VPS13B: variants seen among roughly 807,000 people sequenced by gnomAD.
VPS13B encodes vacuolar protein sorting 13 homolog B.
VPS13B carries 285 observed loss-of-function variants against 426.4 expected under a neutral mutation model. That is an observed-to-expected ratio of 0.67 (90% CI 0.61 to 0.74). VPS13B has a LOEUF of 0.74. Among genes scored for constraint, VPS13B ranks in the 30% least tolerant of loss-of-function variants. VPS13B has a pLI of 0.00. For missense variants in VPS13B, 4,537 were observed against 4,782.6 expected (o/e 0.95, Z 1.51); for synonymous variants, 1,676 against 1,676.4 (o/e 1.00, Z 0.01).
At chr8:99,360,009 G>T (rs1295605881) in intron 19 of VPS13B, among the ~76,000 whole-genome samples, 2 of 151,510 alleles carry the variant, frequency 1.3e-5, no homozygotes, top group African/African-American at 2.4e-5. Flanking sequence ...CACCACATTG[G>T]CCAGGCTGGT....
intron 23 of VPS13B, among the ~76,000 whole-genome samples, chr8:99,466,299 AG>A (rs1258631778): frequency 2.0e-5 from 3 of 152,170 alleles, no homozygotes; most frequent in Non-Finnish European, 2.9e-5. Flanking sequence ...ATTTATCTGC[AG>A]TATGGCATCT....
intron 45 of VPS13B, 36 bp from the exon 46 acceptor site, chr8:99,818,415 A>C: frequency 6.4e-7 from 1 of 1,570,046 alleles, no homozygotes; most frequent in East Asian, 2.2e-5. Flanking sequence ...TAAACTGCTT[A>C]GTATTCAATA....
At chr8:99,760,142 A>AT (rs1019159590) in intron 39 of VPS13B, among the ~76,000 whole-genome samples, 21 of 151,486 alleles carry the variant, frequency 1.4e-4, no homozygotes, top group Non-Finnish European at 2.7e-4. Flanking sequence ...ACACCTGGCT[A>AT]TTTTTTTATT....
intron 17 of VPS13B, among the ~76,000 whole-genome samples, chr8:99,232,786 A>G (rs947395660): frequency 1.3e-5 from 2 of 152,138 alleles, no homozygotes; most frequent in African/African-American, 4.8e-5. Context: ...TGGATGGTGA[A>G]GTGGATTGCT....
intron 33 of VPS13B, among the ~76,000 whole-genome samples, chr8:99,616,801 A>C (rs148494072): frequency 7.9e-4 from 120 of 152,342 alleles, no homozygotes; most frequent in South Asian, 3.7e-3. Flanking sequence ...CCTGTCTGTA[A>C]ATAAATACAC....
intron 33 of VPS13B, among the ~76,000 whole-genome samples, chr8:99,609,840 A>G (rs1280345048): frequency 6.6e-6 from 1 of 152,246 alleles, no homozygotes; most frequent in African/African-American, 2.4e-5. Context: ...TTTTCATGCT[A>G]CTGCCTGGAT....
chr8:99,428,940 C>G (rs1816913116), intron 21 of VPS13B, among the ~76,000 whole-genome samples: 1 of 152,094 alleles, frequency 6.6e-6, no homozygotes. Flanking sequence ...CCATGGAATA[C>G]TATGCAGCCA....
chr8:99,085,086 C>A (rs1320370685), intron 3 of VPS13B, among the ~76,000 whole-genome samples: 1 of 152,094 alleles, frequency 6.6e-6, no homozygotes, highest in Non-Finnish European at 1.5e-5. Context: ...GTATGGGAGT[C>A]TAAGTCTCTT....
At chr8:99,424,306 C>A (rs1272245806) in intron 21 of VPS13B, 1 of 151,738 alleles carries the variant, frequency 6.6e-6, no homozygotes, top group Non-Finnish European at 1.5e-5. Flanking sequence ...ATGTATGTCT[C>A]TGCACGTGAG....
At chr8:99,550,307 T>TATAGAAGAAGTAATGTTATATTTGGTAGG in intron 30 of VPS13B, among the ~76,000 whole-genome samples, 1 of 152,082 alleles carries the variant, frequency 6.6e-6, no homozygotes, top group Non-Finnish European at 1.5e-5. Flanking sequence ...GAAAAAGAGT[T>TATAGAAGAAGTAATGTTATATTTGGTAGG]ATAGAAGAAG....
At chr8:99,140,203 A>G (rs897603106) in intron 12 of VPS13B, among the ~76,000 whole-genome samples, 5 of 151,816 alleles carry the variant, frequency 3.3e-5, no homozygotes, top group African/African-American at 1.2e-4. Flanking sequence ...CTTCTCTACT[A>G]AAAATACAAA....
chr8:99,516,591 C>A (rs1036675730), intron 29 of VPS13B, among the ~76,000 whole-genome samples: 1 of 151,896 alleles, frequency 6.6e-6, no homozygotes, highest in Non-Finnish European at 1.5e-5. Flanking sequence ...GAGTTTGAGA[C>A]TAGCCTGGGC....
chr8:99,875,400 A>C lies in VPS13B; in HGVS notation c.11746-18A>C. 6.2e-7 allele frequency: 1 copy of C among 1,614,142 alleles called. No homozygotes were observed. Among genetic ancestry groups the C allele is most frequent in the Non-Finnish European group, 8.5e-7 (1 of 1,180,014 alleles). On this transcript the variant is annotated intron_variant, in intron 61 of 61. Transcript: ENST00000357162. ...CGTAAGGGTCTGGCAACTAATCTTT[A>C]TTATTTTTGGATCCTAGGTAGATGG...
intron 20 of VPS13B, among the ~76,000 whole-genome samples, chr8:99,388,412 G>T (rs957233659): frequency 6.6e-6 from 1 of 151,838 alleles, no homozygotes; most frequent in African/African-American, 2.4e-5. Context: ...TTTTTAATTT[G>T]TTAAATTAAT....
intron 40 of VPS13B, among the ~76,000 whole-genome samples, chr8:99,771,579 C>G (rs912741856): frequency 6.6e-6 from 1 of 152,166 alleles, no homozygotes; most frequent in African/African-American, 2.4e-5. Flanking sequence ...TGAAGAAGAA[C>G]TCCTTTTCAT....
intron 33 of VPS13B, among the ~76,000 whole-genome samples, chr8:99,594,822 C>A (rs1043389601): frequency 6.6e-6 from 1 of 151,846 alleles, no homozygotes; most frequent in African/African-American, 2.4e-5. Context: ...ATGTGTGTAT[C>A]CCACTGCTTT....
chr8:99,034,809 A>T (rs1394819569), intron 2 of VPS13B, among the ~76,000 whole-genome samples: 1 of 151,740 alleles, frequency 6.6e-6, no homozygotes, highest in Non-Finnish European at 1.5e-5. Context: ...TGGGGAGAGG[A>T]TTTGCCGAGC....
intron 43 of VPS13B, among the ~76,000 whole-genome samples, chr8:99,807,705 A>G (rs945901014): frequency 7.0e-6 from 1 of 143,214 alleles, no homozygotes; most frequent in African/African-American, 2.6e-5. Context: ...GTGTGTGTGT[A>G]CGCACACGTG....
intron 19 of VPS13B, among the ~76,000 whole-genome samples, chr8:99,289,681 G>A (rs1354265874): frequency 6.6e-6 from 1 of 152,094 alleles, no homozygotes; most frequent in Admixed American, 6.6e-5. Flanking sequence ...AGGTGACCAG[G>A]CCAAAATGTA....
Sources: allele counts gnomAD v4.1 joint callset (sites outside exome capture counted in the v4.1 genomes callset), GRCh38; gene constraint gnomAD v4.1.1; transcripts MANE v1.5; gene names NCBI Gene and HGNC (gene_info 2026-07-23, HGNC 2026-07-21).